PRMT8: variants seen among roughly 807,000 people sequenced by gnomAD.
The protein encoded by PRMT8 is protein arginine methyltransferase 8, also known as protein arginine N-methyltransferase 8.
Under a neutral mutation model 47.1 loss-of-function variants are expected in PRMT8, and 7 were observed. That is an observed-to-expected ratio of 0.15 (90% CI 0.08 to 0.28). PRMT8 has a LOEUF of 0.28. Ranked by LOEUF, PRMT8 falls within the 10% of genes least tolerant of loss-of-function variation. The probability of loss-of-function intolerance (pLI) is 1.00; values close to 1 mark genes in which losing one functional copy is unlikely to be tolerated. For missense variants in PRMT8, 237 were observed against 505.4 expected, an observed-to-expected ratio of 0.47 and a Z score of 5.09; for synonymous variants, 188 against 186.5, an observed-to-expected ratio of 1.01 and a Z score of -0.07.
At position 3,436,687 on chromosome 12, in the gene PRMT8, C is replaced by T. The variant is rs991109443; in HGVS notation, c.48+55245C>T. Among the ~76,000 whole-genome samples the T allele has an allele frequency of 6.6e-6, 1 of 152,148 alleles. No homozygotes were observed. The highest frequency in any genetic ancestry group is 1.5e-5 in the Non-Finnish European group (1 of 68,034). On this transcript the variant is annotated intron_variant, in intron 1 of 9. Coordinates refer to the PRMT8 transcript ENST00000452611. This position sits in a 1 kb window ranked among gnomAD's most constrained non-coding sequence, Gnocchi z 4.2. The stretch of plus-strand genomic sequence containing the variant: ...GGGGCTGCTAATATGATTGTGCTGC[C>T]TGGAAATGCAAAAGCCATGAGTCGG...
chr12:3,430,792 C>T (rs907478299), intron 1 of PRMT8, among the ~76,000 whole-genome samples: 7 of 152,226 alleles, frequency 4.6e-5, no homozygotes, highest in African/African-American at 9.7e-5. Context: ...TCCAACATTT[C>T]TGGAGCAACT....
chr12:3,387,866 C>T (rs376305080), intron 1 of PRMT8, among the ~76,000 whole-genome samples: 19 of 152,262 alleles, frequency 1.2e-4, no homozygotes, highest in African/African-American at 3.4e-4. Flanking sequence ...GACTTAGCTC[C>T]TAAATATTCC....
Position 3,383,296 on chromosome 12 carries a change from A to G in PRMT8, c.48+1854A>G, listed in dbSNP as rs190506991. On this transcript the variant is annotated intron_variant, in intron 1 of 9. Coordinates refer to the PRMT8 transcript ENST00000452611. Reference sequence around the variant, plus strand: ...GATAGGACTTGTGTTAAATCCATATATACATTTGAGGGATAATTATCATCT... The same window carrying G: ...GATAGGACTTGTGTTAAATCCATATGTACATTTGAGGGATAATTATCATCT... Among the ~76,000 whole-genome samples, 5 of 152,382 alleles carry G rather than the reference A, an allele frequency of 3.3e-5. No individual in the cohort carries two copies. In the East Asian group the frequency reaches 9.6e-4, roughly 29 times the overall value.
chr12:3,542,827 A>G (rs1030288892), intron 2 of PRMT8, among the ~76,000 whole-genome samples: 1 of 152,116 alleles, frequency 6.6e-6, no homozygotes, highest in Non-Finnish European at 1.5e-5. Context: ...TTCCTTTGGG[A>G]CTTGGTGTCC....
chr12:3,440,537 A>G (rs890682524), intron 1 of PRMT8, among the ~76,000 whole-genome samples: 2 of 152,172 alleles, frequency 1.3e-5, no homozygotes, highest in African/African-American at 4.8e-5. Flanking sequence ...CCAGTAACAT[A>G]CATGTGATGT....
At chr12:3,527,529 A>G (rs1425021697) in intron 1 of PRMT8, among the ~76,000 whole-genome samples, 1 of 152,166 alleles carries the variant, frequency 6.6e-6, no homozygotes, top group East Asian at 1.9e-4. Flanking sequence ...AACTGAAACC[A>G]TGAAGAGCAA....
chr12:3,399,017 G>A (rs984686934), intron 1 of PRMT8, among the ~76,000 whole-genome samples: 1 of 152,166 alleles, frequency 6.6e-6, no homozygotes, highest in African/African-American at 2.4e-5. Context: ...GGAGGTTAAG[G>A]TGTCTACTTT....
At chr12:3,507,678 C>T (rs1865651712) in intron 1 of PRMT8, among the ~76,000 whole-genome samples, 1 of 151,880 alleles carries the variant, frequency 6.6e-6, no homozygotes, top group South Asian at 2.1e-4. Context: ...TTGACGACTA[C>T]TCTTATTGAA....
intron 1 of PRMT8, among the ~76,000 whole-genome samples, chr12:3,425,009 A>G (rs1864587165): frequency 6.6e-6 from 1 of 152,100 alleles, no homozygotes; most frequent in Non-Finnish European, 1.5e-5. Flanking sequence ...GCTCCTGTCC[A>G]CTTGCTGCTC....
At position 3,472,967 on chromosome 12, in the gene PRMT8, G is replaced by A. The variant is rs150891013; in HGVS notation, c.49-67639G>A. Among the ~76,000 whole-genome samples, 1,110 of 152,098 alleles carry A rather than the reference G, an allele frequency of 7.3e-3. 8 individuals are homozygous for A. Among genetic ancestry groups the A allele is most frequent in the African/African-American group, 0.025 (1,050 of 41,472 alleles). ...GTGGTGCCCAAACCAACCAGTTCTCGTATTTTATATCTCCCTTACCATGCC... is the reference window on the plus strand; with the variant it reads ...GTGGTGCCCAAACCAACCAGTTCTCATATTTTATATCTCCCTTACCATGCC... On this transcript the variant is annotated intron_variant, in intron 1 of 9. Transcript: ENST00000452611.
chr12:3,549,965 C>A lies in PRMT8; in HGVS notation c.291C>A (p.Leu97=), dbSNP rs774178091. The part of the protein sequence containing the change: ...EEMLKDEVRT[L]TYRNSMYHNK... ...TGCTGAAGGATGAGGTGCGGACTCT[C>A]ACTTACCGGAACTCCATGTACCACA... Residue 97 remains leucine (L), a synonymous_variant, in exon 3 of 10, where the codon CTC becomes CTA. Coordinates refer to ENST00000382622, the MANE Select transcript of PRMT8 (RefSeq NM_019854.5). 2.5e-6 allele frequency: 4 copies of A among 1,614,046 alleles called. No individual in the cohort carries two copies. Among genetic ancestry groups the A allele is most frequent in the Non-Finnish European group, 3.4e-6 (4 of 1,180,024 alleles).
Position 3,576,538 on chromosome 12 carries a change from G to T in PRMT8, c.713-333G>T, listed in dbSNP as rs1235462826. 6.6e-6 allele frequency among the ~76,000 whole-genome samples: 1 copy of T among 152,138 alleles called. No homozygotes were observed. The highest frequency in any genetic ancestry group is 1.5e-5 in the Non-Finnish European group (1 of 68,028). The stretch of plus-strand genomic sequence containing the variant: ...GGAGACGCTGCTGGCTTGGGGAGGG[G>T]ACAGGAAGGAAGAGTCAGCTAGCCT... On this transcript the variant is annotated intron_variant, in intron 6 of 9. Transcript: ENST00000382622. This position sits in a 1 kb window ranked among gnomAD's most constrained non-coding sequence, Gnocchi z 4.0.
At chr12:3,428,874 GTCTCTTAC>G (rs1164104467) in intron 1 of PRMT8, among the ~76,000 whole-genome samples, 1 of 134,276 alleles carries the variant, frequency 7.4e-6, no homozygotes, top group African/African-American at 2.8e-5. Context: ...TTGTCTCTCT[GTCTCTTAC>G]TCTCTCCGCC....
At chr12:3,470,959 G>C (rs551671241) in intron 1 of PRMT8, among the ~76,000 whole-genome samples, 1 of 152,354 alleles carries the variant, frequency 6.6e-6, no homozygotes, top group African/African-American at 2.4e-5. Flanking sequence ...CACTCTGACA[G>C]TGGGGCTTTC....
At chr12:3,400,205 A>C (rs1864303089) in intron 1 of PRMT8, among the ~76,000 whole-genome samples, 1 of 152,164 alleles carries the variant, frequency 6.6e-6, no homozygotes, top group African/African-American at 2.4e-5. Flanking sequence ...CCCTTCAAAA[A>C]ATCAACAAAT....
intron 1 of PRMT8, among the ~76,000 whole-genome samples, chr12:3,387,845 G>T (rs550453100): frequency 1.2e-4 from 19 of 152,122 alleles, no homozygotes; most frequent in African/African-American, 4.6e-4. Context: ...TGAATTACAT[G>T]CAGACATTAT....
rs1472919321 is a variant in PRMT8, at chr12:3,467,244, A to AG, written c.49-73362_49-73361insG. Reference sequence around the variant, plus strand: ...GACAGAGCAAGACTCCATCTCAAAAAAAAAAAAAAAAAAAAAAAAAGAAAT... The same window carrying AG: ...GACAGAGCAAGACTCCATCTCAAAAAGAAAAAAAAAAAAAAAAAAAAGAAAT... On this transcript the variant is annotated intron_variant, in intron 1 of 9. Coordinates refer to the PRMT8 transcript ENST00000452611. 3.7e-4 allele frequency among the ~76,000 whole-genome samples: 56 copies of AG among 149,924 alleles called. 1 individual carries two copies. The South Asian group carries it at 5.3e-3, about 14-fold the overall frequency.
chr12:3,533,285 T>G (rs987939885), intron 1 of PRMT8, among the ~76,000 whole-genome samples: 6 of 152,080 alleles, frequency 3.9e-5, no homozygotes, highest in Non-Finnish European at 8.8e-5. Flanking sequence ...CAGAGCAAGC[T>G]GGGGAGCCCG....
chr12:3,424,567 T>C (rs910913926), intron 1 of PRMT8, among the ~76,000 whole-genome samples: 9 of 152,174 alleles, frequency 5.9e-5, no homozygotes, highest in African/African-American at 2.2e-4. Flanking sequence ...TTTTCTTCTG[T>C]TCTAGCTAAT....
Sources: allele counts gnomAD v4.1 joint callset (sites outside exome capture counted in the v4.1 genomes callset), GRCh38; gene constraint gnomAD v4.1.1; non-coding constraint Gnocchi (gnomAD v3.1); transcripts MANE v1.5; gene names NCBI Gene and HGNC (gene_info 2026-07-23, HGNC 2026-07-21).